THSD7A: variants seen among roughly 807,000 people sequenced by gnomAD.
THSD7A encodes the protein thrombospondin type 1 domain containing 7A, also known as thrombospondin type-1 domain-containing protein 7A.
In THSD7A, 96 loss-of-function variants were observed where a neutral mutation model predicts 231.3. That is an observed-to-expected ratio of 0.41 (90% confidence interval 0.35 to 0.49). THSD7A has a LOEUF of 0.49. THSD7A is among the 20% of genes least tolerant of loss of function. The pLI, the probability that THSD7A is intolerant of heterozygous loss-of-function variation, is 0.05. For missense variants in THSD7A, 2,290 were observed against 2,070.2 expected, an observed-to-expected ratio of 1.11 and a Z score of -2.06; for synonymous variants, 940 against 743.3, an observed-to-expected ratio of 1.26 and a Z score of -4.30.
At chr7:11,734,071 C>G (rs1781825728) in intron 1 of THSD7A, among the ~76,000 whole-genome samples, 1 of 151,934 alleles carries the variant, frequency 6.6e-6, no homozygotes, top group Admixed American at 6.6e-5. Context: ...CTTGAGTCAT[C>G]TCTTCAACCC....
intron 6 of THSD7A, among the ~76,000 whole-genome samples, chr7:11,517,172 G>A (rs935804656): frequency 2.3e-4 from 35 of 151,992 alleles, no homozygotes; most frequent in Non-Finnish European, 7.4e-5. Flanking sequence ...TCCACCTCCC[G>A]GGTTCATGCC....
intron 1 of THSD7A, among the ~76,000 whole-genome samples, chr7:11,797,646 T>C (rs1412241829): frequency 1.3e-5 from 2 of 152,008 alleles, no homozygotes; most frequent in Admixed American, 6.6e-5. Context: ...CTCAAACTTC[T>C]GGCCTTAAGC....
chr7:11,609,983 T>C (rs1050958684), intron 2 of THSD7A, among the ~76,000 whole-genome samples: 1 of 152,158 alleles, frequency 6.6e-6, no homozygotes, highest in Non-Finnish European at 1.5e-5. Flanking sequence ...TTTTCCATTT[T>C]ATAACATGGT....
In THSD7A at chr7:11,820,455, C is replaced by T. The variant is rs1416938626; in HGVS notation, c.190+11302G>A. 2.0e-5 allele frequency: 25 copies of T among 1,273,128 alleles called. No homozygotes were observed. In the Admixed American group the frequency reaches 2.6e-4, roughly 13 times the overall value. The allele number at this position is 1,273,128 out of a possible 1,614,324, so 78.9% of individuals were successfully genotyped here. On this transcript the variant is annotated intron_variant, in intron 1 of 27. Coordinates refer to ENST00000423059, the MANE Select transcript of THSD7A (RefSeq NM_015204.3). The stretch of plus-strand genomic sequence containing the variant: ...TGGTGCTTGATTTCCAGAACATGAA[C>T]CGGCCCTGACCCGGAGGTCATCATG...
rs1782697271 is a variant in THSD7A at position 11,385,540 on chromosome 7, CTT to C, written c.4412-2926_4412-2925del. On this transcript the variant is annotated intron_variant, in intron 23 of 27. Transcript: ENST00000423059. Reference sequence around the variant, plus strand: ...TTTTAATGTGTATAAAAAATTATATCTTTATTTCTGTTAATGTGATAAATTAC... The same window carrying C: ...TTTTAATGTGTATAAAAAATTATATCTATTTCTGTTAATGTGATAAATTAC... 3 of 151,936 alleles carry C rather than the reference CTT, an allele frequency of 2.0e-5. 1 individual carries two copies. Among genetic ancestry groups the C allele is most frequent in the South Asian group, 4.2e-4 (2 of 4,812 alleles). The allele number at this position is 151,936 out of a possible 1,614,324, so 9.4% of individuals were successfully genotyped here. A position where few individuals can be genotyped will look rare whatever the true frequency, so the allele number is the denominator to read the frequency against.
At chr7:11,805,045 C>G (rs562630644) in intron 1 of THSD7A, among the ~76,000 whole-genome samples, 1 of 152,248 alleles carries the variant, frequency 6.6e-6, no homozygotes, top group Non-Finnish European at 1.5e-5. Context: ...TACAATTAAT[C>G]TAGGGCCGAT....
At chr7:11,428,539 A>G (rs1289689838) in intron 14 of THSD7A, among the ~76,000 whole-genome samples, 1 of 152,134 alleles carries the variant, frequency 6.6e-6, no homozygotes, top group Non-Finnish European at 1.5e-5. Context: ...ATTTTAGACC[A>G]AAACCCATAT....
chr7:11,716,098 C>T (rs1781126301), intron 1 of THSD7A, among the ~76,000 whole-genome samples: 1 of 151,514 alleles, frequency 6.6e-6, no homozygotes, highest in African/African-American at 2.4e-5. Context: ...ACTAAGTTAA[C>T]ATCAATACTA....
chr7:11,543,976 A>G (rs968319320), intron 4 of THSD7A, among the ~76,000 whole-genome samples: 4 of 152,230 alleles, frequency 2.6e-5, no homozygotes, highest in East Asian at 1.9e-4. Context: ...TAGCTGTATA[A>G]TATCTGTCTA....
chr7:11,420,059 A>C (rs1312915594), intron 16 of THSD7A, among the ~76,000 whole-genome samples: 1 of 152,206 alleles, frequency 6.6e-6, no homozygotes, highest in African/African-American at 2.4e-5. Flanking sequence ...TATATTTAAA[A>C]AGTAAGAAGA....
chr7:11,817,488 G>A (rs1048600600), intron 1 of THSD7A, among the ~76,000 whole-genome samples: 5 of 152,180 alleles, frequency 3.3e-5, no homozygotes, highest in Admixed American at 6.5e-5. Context: ...TCTGACCAGA[G>A]GTAGAGAACA....
intron 6 of THSD7A, among the ~76,000 whole-genome samples, chr7:11,539,049 T>C (rs1789033437): frequency 6.6e-6 from 1 of 152,198 alleles, no homozygotes; most frequent in South Asian, 2.1e-4. Flanking sequence ...TTTAACTTAA[T>C]TATAAAACAA....
At chr7:11,713,312 G>C (rs751059919) in intron 1 of THSD7A, among the ~76,000 whole-genome samples, 7 of 151,196 alleles carry the variant, frequency 4.6e-5, no homozygotes, top group Non-Finnish European at 8.9e-5. Context: ...CACTTTACAA[G>C]GTTTATGTTT....
chr7:11,468,651 T>C (rs1349944081), intron 9 of THSD7A, among the ~76,000 whole-genome samples: 1 of 151,980 alleles, frequency 6.6e-6, no homozygotes, highest in Non-Finnish European at 1.5e-5. Flanking sequence ...CTGGCCAAAA[T>C]GGCACAAACC....
intron 7 of THSD7A, among the ~76,000 whole-genome samples, chr7:11,479,901 A>T (rs1786352637): frequency 6.6e-6 from 1 of 152,116 alleles, no homozygotes; most frequent in Non-Finnish European, 1.5e-5. Flanking sequence ...TATATTTCAA[A>T]ATAGCTGGAA....
chr7:11,631,032 C>T (rs1781630265), intron 2 of THSD7A, among the ~76,000 whole-genome samples: 1 of 152,184 alleles, frequency 6.6e-6, no homozygotes, highest in Admixed American at 6.5e-5. Context: ...TGCTTAATTT[C>T]CCCAACAGCT....
At chr7:11,379,307 T>C (rs1301474677) in intron 25 of THSD7A, 27 bp from the exon 26 acceptor site, 2 of 1,604,550 alleles carry the variant, frequency 1.2e-6, no homozygotes, top group South Asian at 1.1e-5. Context: ...AGATTTATAC[T>C]AGCCATGCAA....
chr7:11,509,095 A>C (rs1787681740), intron 6 of THSD7A, among the ~76,000 whole-genome samples: 1 of 152,252 alleles, frequency 6.6e-6, no homozygotes, highest in Non-Finnish European at 1.5e-5. Flanking sequence ...TATTCTTACC[A>C]CAAAATAAAA....
intron 11 of THSD7A, among the ~76,000 whole-genome samples, chr7:11,448,225 T>G (rs1785037723): frequency 6.6e-6 from 1 of 152,164 alleles, no homozygotes; most frequent in South Asian, 2.1e-4. Flanking sequence ...GATATTGTTC[T>G]GCTGACTTAA....
Sources: gnomAD v4.1 joint callset for allele counts (sites outside exome capture counted in the v4.1 genomes callset) on GRCh38, gnomAD v4.1.1 for gene constraint, MANE v1.5 for transcripts, NCBI Gene and HGNC (gene_info 2026-07-23, HGNC 2026-07-21) for gene names.